Variants in ANKRD34B observed in about 807,000 individuals in gnomAD.
ANKRD34B encodes the protein ankyrin repeat domain-containing protein 34B.
Under a neutral mutation model 4.4 loss-of-function variants are expected in ANKRD34B, and 2 were observed. The ratio of observed to expected loss-of-function variants is 0.46; its 90% CI spans 0.19 to 1.44. The LOEUF is 1.44. Among genes scored for constraint, ANKRD34B ranks in the 40% most tolerant of loss-of-function variants. The probability of loss-of-function intolerance (pLI) is 0.26; values close to 1 mark genes in which losing one functional copy is unlikely to be tolerated. For missense variants in ANKRD34B, 558 were observed against 604.7 expected (o/e 0.92, Z 0.81); for synonymous variants, 226 against 227.1 (o/e 0.99, Z 0.05).
chr5:80,569,894 G>A (rs939312715), intron 1 of ANKRD34B, among the ~76,000 whole-genome samples: 1 of 152,198 alleles, frequency 6.6e-6, no homozygotes, highest in South Asian at 2.1e-4. Context: ...CCGGGGTGGC[G>A]GGGCAGAGTC....
In ANKRD34B at chr5:80,569,913, G is replaced by T. The variant is rs548234733; in HGVS notation, c.-339+241C>A. Reference sequence around the variant, plus strand: ...GGTGGCGGGGCAGAGTCTCTCGGGAGGCCCCTGCAGCCCGGCGGCCCTCGG... The same window carrying T: ...GGTGGCGGGGCAGAGTCTCTCGGGATGCCCCTGCAGCCCGGCGGCCCTCGG... On this transcript the variant is annotated intron_variant, in intron 1 of 4. Coordinates refer to ENST00000338682, the MANE Select transcript of ANKRD34B (RefSeq NM_001004441.3). Among the ~76,000 whole-genome samples, 9 of 152,316 alleles carry T rather than the reference G, an allele frequency of 5.9e-5. No individual in the cohort carries two copies. The South Asian group carries it at 1.9e-3, about 32-fold the overall frequency.
chr5:80,559,287 C>A lies in ANKRD34B; in HGVS notation c.733G>T (p.Ala245Ser). Residue 245 changes from alanine (A) to serine (S), a missense_variant, in exon 5 of 5, where the codon GCT becomes TCT. Ala to Ser is a moderately conservative substitution (Grantham distance 99). Transcript: ENST00000338682. ...LAPKGPKLPHAPPWVKSPPLL... is the reference protein window; with the variant it reads ...LAPKGPKLPHSPPWVKSPPLL... Reference sequence around the variant, plus strand: ...GGGGGACTCTTGACCCAGGGTGGAGCGTGGGGGAGCTTGGGCCCCTTAGGG... The same window carrying A: ...GGGGGACTCTTGACCCAGGGTGGAGAGTGGGGGAGCTTGGGCCCCTTAGGG... The A allele has an allele frequency of 6.2e-7, 1 of 1,614,116 alleles. No homozygotes were observed. The highest frequency in any genetic ancestry group is 8.5e-7 in the Non-Finnish European group (1 of 1,180,002).
Position 80,559,883 on chromosome 5 carries a change from G to T in ANKRD34B, c.137C>A (p.Pro46His), listed in dbSNP as rs148638555. The T allele has an allele frequency of 1.2e-6, 2 of 1,614,248 alleles. No homozygotes were observed. The highest frequency in any genetic ancestry group is 2.2e-5 in the East Asian group (1 of 44,888). ...TTTGGTCTTACAAGCGATCATTAAA[G>T]GGGTTTCCCCACGGTCGTTGCTCTC... ...INESNDRGET[P>H]LMIACKTKHV... Residue 46 changes from proline (P) to histidine (H), a missense_variant, in exon 5 of 5, where the codon CCT becomes CAT. By Grantham distance (77) the Pro-to-His change is moderately conservative. Transcript: ENST00000338682.
At position 80,559,254 on chromosome 5, in the gene ANKRD34B, T is replaced by C. The variant is rs1487889705; in HGVS notation, c.766A>G (p.Met256Val). Residue 256 changes from methionine (M) to valine (V), a missense_variant, in exon 5 of 5, where the codon ATG becomes GTG. Transcript: ENST00000338682. ...PPWVKSPPLL[M>V]HQNRVASLQE... is the part of the protein sequence containing the mutation. ...AATGAAGCCACTCTGTTCTGGTGCA[T>C]TAATAATGGGGGACTCTTGACCCAG... 1.2e-6 allele frequency: 2 copies of C among 1,614,170 alleles called. No individual in the cohort carries two copies. The highest frequency in any genetic ancestry group is 1.1e-5 in the South Asian group (1 of 91,076).
chr5:80,556,808 A>C lies in ANKRD34B; in HGVS notation c.*1667T>G, dbSNP rs1292513199. On this transcript the variant is annotated 3_prime_UTR_variant, in exon 5 of 5. Coordinates refer to ENST00000338682, the MANE Select transcript of ANKRD34B (RefSeq NM_001004441.3). ...TTTGTTTATGAACTAATCTATTTAC[A>C]TACCCTTCCAAATTGTATCCTTACA... The C allele has an allele frequency of 6.6e-6, 1 of 152,652 alleles. No homozygotes were observed. Among genetic ancestry groups the C allele is most frequent in the Non-Finnish European group, 1.5e-5 (1 of 68,032 alleles). 9.5% of individuals were successfully genotyped at this position (152,652 alleles called of 1,614,324 possible).
chr5:80,569,704 C>T (rs1274992675), intron 1 of ANKRD34B, among the ~76,000 whole-genome samples: 1 of 152,156 alleles, frequency 6.6e-6, no homozygotes, highest in African/African-American at 2.4e-5. Context: ...CCCCCCGCCC[C>T]GCATCCTCCT....
chr5:80,564,498 C>T (rs1485708585), intron 3 of ANKRD34B: 7 of 152,178 alleles, frequency 4.6e-5, no homozygotes, highest in Non-Finnish European at 8.8e-5. Context: ...CCATCACAGT[C>T]TTGTGGAAAA....
In ANKRD34B at chr5:80,558,111, G is replaced by GA. The variant is rs1474313175; in HGVS notation, c.*363dup. ...GAAATGTTAAAAAAATTATTGACTT[G>GA]AAAACTGTTTCCTAATAAAATATTT... On this transcript the variant is annotated 3_prime_UTR_variant, in exon 5 of 5. Coordinates refer to ENST00000338682, the MANE Select transcript of ANKRD34B (RefSeq NM_001004441.3). 6 of 156,704 alleles carry GA rather than the reference G, an allele frequency of 3.8e-5. No individual in the cohort carries two copies. The highest frequency in any genetic ancestry group is 1.5e-4 in the African/African-American group (6 of 41,300). 9.7% of individuals were successfully genotyped at this position (156,704 alleles called of 1,614,324 possible). A position where few individuals can be genotyped will look rare whatever the true frequency, so the allele number is the denominator to read the frequency against.
At chr5:80,562,375 G>C (rs1235374340) in intron 4 of ANKRD34B, among the ~76,000 whole-genome samples, 2 of 152,144 alleles carry the variant, frequency 1.3e-5, no homozygotes. Flanking sequence ...CTAGGAGATA[G>C]AAGACTACCC....
Position 80,559,993 on chromosome 5 carries a change from A to G in ANKRD34B, c.27T>C (p.Ser9=), listed in dbSNP as rs769532469. 28 of 1,593,724 alleles carry G rather than the reference A, an allele frequency of 1.8e-5. No individual in the cohort carries two copies. In the Admixed American group the frequency reaches 2.8e-4, roughly 16 times the overall value. Residue 9 remains serine (S), a synonymous_variant, in exon 5 of 5, where the codon AGT becomes AGC. Coordinates refer to ENST00000338682, the MANE Select transcript of ANKRD34B (RefSeq NM_001004441.3). ...CTGCTTTGATCAAGGAATTTCCTTCACTTGAAATTTCCATACCTTCATCCA... is the reference window on the plus strand; with the variant it reads ...CTGCTTTGATCAAGGAATTTCCTTCGCTTGAAATTTCCATACCTTCATCCA... The part of the protein sequence containing the change: MDEGMEIS[S]EGNSLIKAVH...
rs1746357094 is a variant in ANKRD34B at position 80,559,591 on chromosome 5, T to C, written c.429A>G (p.Ala143=). The C allele has an allele frequency of 1.2e-6, 2 of 1,614,228 alleles. No homozygotes were observed. Among genetic ancestry groups the C allele is most frequent in the East Asian group, 2.2e-5 (1 of 44,886 alleles). ...TLKVLLSACK[A]KGKEVIIITT... ...TGATGATGATGACCTCTTTCCCTTTTGCCTTGCAAGCACTAAGAAGAACTT... is the reference window on the plus strand; with the variant it reads ...TGATGATGATGACCTCTTTCCCTTTCGCCTTGCAAGCACTAAGAAGAACTT... Residue 143 remains alanine (A), a synonymous_variant, in exon 5 of 5, where the codon GCA becomes GCG. Coordinates refer to ENST00000338682, the MANE Select transcript of ANKRD34B (RefSeq NM_001004441.3).
chr5:80,559,228 C>T lies in ANKRD34B; in HGVS notation c.792G>A (p.Leu264=). ...GTGTAATATCCTGGAGCTCCTCTTGCAATGAAGCCACTCTGTTCTGGTGCA... is the reference window on the plus strand; with the variant it reads ...GTGTAATATCCTGGAGCTCCTCTTGTAATGAAGCCACTCTGTTCTGGTGCA... ...LLMHQNRVAS[L]QEELQDITPE... Residue 264 remains leucine (L), a synonymous_variant, in exon 5 of 5, where the codon TTG becomes TTA. Transcript: ENST00000338682. The T allele has an allele frequency of 1.9e-6, 3 of 1,614,144 alleles. No homozygotes were observed. Among genetic ancestry groups the T allele is most frequent in the Non-Finnish European group, 2.5e-6 (3 of 1,180,032 alleles).
intron 4 of ANKRD34B, among the ~76,000 whole-genome samples, chr5:80,562,082 T>TGTGC (rs1746422079): frequency 7.8e-6 from 1 of 128,050 alleles, no homozygotes; most frequent in African/African-American, 2.8e-5. Flanking sequence ...TGTGTGTGTG[T>TGTGC]GTGTGTGTGT....
At chr5:80,566,880 C>T (rs1746582108) in intron 2 of ANKRD34B, 106 bp from the exon 3 acceptor site, 1 of 152,640 alleles carries the variant, frequency 6.6e-6, no homozygotes, top group Admixed American at 6.5e-5. Flanking sequence ...AAGAAATCCC[C>T]CAATGTTTGC....
intron 4 of ANKRD34B, among the ~76,000 whole-genome samples, chr5:80,562,089 GT>G: frequency 7.4e-6 from 1 of 135,462 alleles, no homozygotes; most frequent in South Asian, 2.3e-4. Context: ...GTGTGTGTGT[GT>G]GTGTGTGTGT....
rs1746715458 is a variant in ANKRD34B, at chr5:80,570,125, AGCCGGCAGGGACGGC to A, written c.-339+14_-339+28del. On this transcript the variant is annotated intron_variant, in intron 1 of 4. Coordinates refer to ENST00000338682, the MANE Select transcript of ANKRD34B (RefSeq NM_001004441.3). ...CTGCAAGCCAAAGTTTCCCAAGTGC[AGCCGGCAGGGACGGC>A]GCCTCACACTGACCTGGGACGCGCT... 2 of 152,400 alleles carry A rather than the reference AGCCGGCAGGGACGGC, an allele frequency of 1.3e-5. No homozygotes were observed. The highest frequency in any genetic ancestry group is 4.8e-5 in the African/African-American group (2 of 41,462). The allele number at this position is 152,400 out of a possible 1,614,324, so 9.4% of individuals were successfully genotyped here. A position where few individuals can be genotyped will look rare whatever the true frequency, so the allele number is the denominator to read the frequency against.
intron 4 of ANKRD34B, 50 bp from the exon 5 acceptor site, chr5:80,560,092 C>A: frequency 9.4e-7 from 1 of 1,063,080 alleles, no homozygotes; most frequent in East Asian, 2.5e-5. Context: ...AATCAGCATC[C>A]CAACTTATAT....
chr5:80,562,052 CGTGTGTGT>C (rs56934964), intron 4 of ANKRD34B, among the ~76,000 whole-genome samples: 3,790 of 128,254 alleles, frequency 0.03, 60 homozygotes, highest in South Asian at 0.038. Flanking sequence ...ACTGACTCAG[CGTGTGTGT>C]GTGTGTGTGT....
rs1373740312 is a variant in ANKRD34B, at chr5:80,557,479, A to C, written c.*996T>G. The stretch of plus-strand genomic sequence containing the variant: ...TCTACTGCCTCTATTAATTTTAGCT[A>C]ACCTAATCTAATCATCAGTTTTTCT... On this transcript the variant is annotated 3_prime_UTR_variant, in exon 5 of 5. Transcript: ENST00000338682. 1 of 152,014 alleles carries C rather than the reference A, an allele frequency of 6.6e-6. No homozygotes were observed. Among genetic ancestry groups the C allele is most frequent in the Admixed American group, 6.6e-5 (1 of 15,254 alleles). The allele number at this position is 152,014 out of a possible 1,614,324, so 9.4% of individuals were successfully genotyped here. A position where few individuals can be genotyped will look rare whatever the true frequency, so the allele number is the denominator to read the frequency against.
Sources: gnomAD v4.1 joint callset for allele counts (sites outside exome capture counted in the v4.1 genomes callset) on GRCh38, gnomAD v4.1.1 for gene constraint, MANE v1.5 for transcripts, NCBI Gene and HGNC (gene_info 2026-07-23, HGNC 2026-07-21) for gene names.